Variants in LPIN2 observed in about 807,000 individuals in gnomAD.
LPIN2 encodes the protein lipin 2.
In LPIN2, 55 loss-of-function variants were observed where a neutral mutation model predicts 111.4. The ratio of observed to expected loss-of-function variants is 0.49; its 90% CI spans 0.40 to 0.62. The LOEUF is 0.62. Among genes scored for constraint, LPIN2 ranks in the 20% least tolerant of loss-of-function variants. The pLI is 0.00. For missense variants in LPIN2, 992 were observed against 1,112.1 expected (o/e 0.89, Z 1.54); for synonymous variants, 425 against 414.0 (o/e 1.03, Z -0.32).
chr18:2,923,718 G>C, intron 16 of LPIN2, 57 bp downstream of exon 16: 10 of 1,413,054 alleles, frequency 7.1e-6, no homozygotes, highest in Non-Finnish European at 1.0e-5. Flanking sequence ...TTGTTCTATA[G>C]TTCTTAAAGC....
intron 2 of LPIN2, among the ~76,000 whole-genome samples, chr18:2,959,998 G>A (rs1241178028): frequency 3.3e-5 from 5 of 152,012 alleles, no homozygotes; most frequent in Non-Finnish European, 5.9e-5. Context: ...GTGAAACCCC[G>A]TCTCTACTAA....
intron 2 of LPIN2, among the ~76,000 whole-genome samples, chr18:2,957,422 T>G (rs985247708): frequency 5.9e-5 from 9 of 152,150 alleles, no homozygotes; most frequent in African/African-American, 2.2e-4. Flanking sequence ...ATAGTGTAAA[T>G]ATTCCAAAAA....
chr18:2,944,073 C>G (rs2077407280), intron 4 of LPIN2, among the ~76,000 whole-genome samples: 3 of 151,832 alleles, frequency 2.0e-5, no homozygotes, highest in South Asian at 4.1e-4. Flanking sequence ...TTCCAGAGTT[C>G]TGGCCTTCAG....
intron 8 of LPIN2, 65 bp from the exon 9 acceptor site, chr18:2,931,508 A>T: frequency 6.7e-7 from 1 of 1,493,252 alleles, no homozygotes; most frequent in South Asian, 1.2e-5. Flanking sequence ...AGTTTACTGC[A>T]TGGTTCTCTG....
At chr18:2,942,532 A>C (rs1032486003) in intron 4 of LPIN2, among the ~76,000 whole-genome samples, 4 of 152,190 alleles carry the variant, frequency 2.6e-5, no homozygotes, top group African/African-American at 9.6e-5. Context: ...GCAGTATAAA[A>C]GGTAAGCCAA....
intron 16 of LPIN2, among the ~76,000 whole-genome samples, chr18:2,923,296 G>C (rs918280377): frequency 6.6e-6 from 1 of 151,388 alleles, no homozygotes; most frequent in Non-Finnish European, 1.5e-5. Context: ...GGCATGTGCC[G>C]GTAATCCCAG....
At chr18:2,934,812 A>C (rs1323554021) in intron 7 of LPIN2, among the ~76,000 whole-genome samples, 1 of 152,194 alleles carries the variant, frequency 6.6e-6, no homozygotes, top group Non-Finnish European at 1.5e-5. Context: ...CGAGGGCATT[A>C]CTCTAAAACC....
chr18:3,013,005 G>C (rs1017722652), intron 1 of LPIN2, 82 bp downstream of exon 1: 1 of 150,900 alleles, frequency 6.6e-6, no homozygotes, highest in African/African-American at 2.4e-5. Flanking sequence ...CCGGGCCCGC[G>C]CCAAGGGAAG....
At position 2,951,285 on chromosome 18, in the gene LPIN2, G is replaced by T. The variant is rs1319393742; in HGVS notation, c.360C>A (p.Thr120=). 3 of 1,613,884 alleles carry T rather than the reference G, an allele frequency of 1.9e-6. No homozygotes were observed. Among genetic ancestry groups the T allele is most frequent in the African/African-American group, 1.3e-5 (1 of 74,838 alleles). Residue 120 remains threonine (T), a synonymous_variant, in exon 4 of 20, where the codon ACC becomes ACA. Coordinates refer to ENST00000677752, the MANE Select transcript of LPIN2 (RefSeq NM_001375808.2). ...TEDQFFKDID[T]PLVKSGGDET... is the part of the protein sequence containing the mutation. Reference sequence around the variant, plus strand: ...CATCTCCACCCGATTTCACCAAAGGGGTGTCAATATCTTTAAAGAACTGAT... The same window carrying T: ...CATCTCCACCCGATTTCACCAAAGGTGTGTCAATATCTTTAAAGAACTGAT...
At chr18:2,945,792 A>C (rs1175276773) in intron 4 of LPIN2, 1 of 1,313,520 alleles carries the variant, frequency 7.6e-7, no homozygotes, top group Non-Finnish European at 1.1e-6. Flanking sequence ...AAGTTCTGGA[A>C]GTGAATTTTT....
At chr18:2,960,946 T>A in intron 1 of LPIN2, 97 bp from the exon 2 acceptor site, 1 of 949,750 alleles carries the variant, frequency 1.1e-6, no homozygotes, top group Non-Finnish European at 1.7e-6. Context: ...TACTCACTTG[T>A]ATGCCAGATT....
At chr18:3,000,578 C>T (rs1002223610) in intron 1 of LPIN2, among the ~76,000 whole-genome samples, 20 of 152,220 alleles carry the variant, frequency 1.3e-4, no homozygotes, top group East Asian at 1.2e-3. Context: ...ATGTACGGCA[C>T]GTAGTGCCAG....
At chr18:2,938,203 T>C (rs1192751968) in intron 6 of LPIN2, among the ~76,000 whole-genome samples, 166 bp from the exon 7 acceptor site, 1 of 152,200 alleles carries the variant, frequency 6.6e-6, no homozygotes, top group Non-Finnish European at 1.5e-5. Context: ...AAACTAATAA[T>C]TGCCTTTTGT....
chr18:2,955,115 C>G (rs1022160993), intron 2 of LPIN2, among the ~76,000 whole-genome samples: 1 of 152,078 alleles, frequency 6.6e-6, no homozygotes, highest in African/African-American at 2.4e-5. Flanking sequence ...TCCCAAGAAC[C>G]AGGTGAAACG....
At chr18:2,988,672 T>A (rs959914544) in intron 1 of LPIN2, among the ~76,000 whole-genome samples, 2 of 152,220 alleles carry the variant, frequency 1.3e-5, no homozygotes, top group Non-Finnish European at 2.9e-5. Flanking sequence ...TTGCTACTCT[T>A]TCAAGTTAAA....
intron 1 of LPIN2, among the ~76,000 whole-genome samples, chr18:2,967,821 C>A (rs2077832013): frequency 6.6e-6 from 1 of 152,168 alleles, no homozygotes. Context: ...TAGTAGAATG[C>A]CAATTTGTTT....
At chr18:2,963,726 C>A (rs546122840) in intron 1 of LPIN2, among the ~76,000 whole-genome samples, 2 of 152,026 alleles carry the variant, frequency 1.3e-5, no homozygotes, top group Non-Finnish European at 2.9e-5. Flanking sequence ...GAAAAATGGT[C>A]ACAGAGCAGC....
At chr18:2,999,413 G>A (rs574683779) in intron 1 of LPIN2, among the ~76,000 whole-genome samples, 21 of 151,878 alleles carry the variant, frequency 1.4e-4, no homozygotes, top group Non-Finnish European at 2.9e-4. Flanking sequence ...TGGCTAACAT[G>A]GTGAAACCCC....
intron 19 of LPIN2, 67 bp from the exon 20 acceptor site, chr18:2,920,504 G>T: frequency 6.4e-7 from 1 of 1,560,936 alleles, no homozygotes; most frequent in Non-Finnish European, 8.8e-7. Context: ...ACAAGATGGG[G>T]GGCTGTGAAG....
Sources: allele counts gnomAD v4.1 joint callset (sites outside exome capture counted in the v4.1 genomes callset), GRCh38; gene constraint gnomAD v4.1.1; transcripts MANE v1.5; gene names NCBI Gene and HGNC (gene_info 2026-07-23, HGNC 2026-07-21).